MGST3: variants seen among roughly 807,000 people sequenced by gnomAD.
MGST3 encodes the protein microsomal glutathione S-transferase 3.
A neutral mutation model predicts 15.8 loss-of-function variants in MGST3; 13 were observed. That is an observed-to-expected ratio of 0.82 (90% CI 0.54 to 1.31). The LOEUF (loss-of-function observed/expected upper bound fraction) is 1.31. Ranked by LOEUF, MGST3 falls within the 50% of genes most tolerant of loss-of-function variation. MGST3 has a pLI of 0.00. For missense variants in MGST3, 155 were observed against 192.4 expected (o/e 0.81, Z 1.15); for synonymous variants, 49 against 68.1 (o/e 0.72, Z 1.38).
intron 1 of MGST3, among the ~76,000 whole-genome samples, chr1:165,642,169 G>T (rs1169175446): frequency 2.0e-5 from 3 of 152,206 alleles, no homozygotes; most frequent in Admixed American, 6.5e-5. Context: ...TGTGTCCCCT[G>T]CTAGAAAATG....
chr1:165,649,791 G>A, intron 1 of MGST3, 50 bp from the exon 2 acceptor site: 6 of 1,612,634 alleles, frequency 3.7e-6, no homozygotes, highest in Non-Finnish European at 5.1e-6. Context: ...TTCACACCAT[G>A]AAATAGCCAC....
intron 1 of MGST3, among the ~76,000 whole-genome samples, chr1:165,644,095 T>C (rs1648332281): frequency 6.6e-6 from 1 of 151,870 alleles, no homozygotes; most frequent in Admixed American, 6.6e-5. Flanking sequence ...GGCTGTCCTC[T>C]AGATGGTTCT....
intron 1 of MGST3, chr1:165,632,075 T>C: frequency 1.6e-6 from 1 of 608,556 alleles, no homozygotes; most frequent in Middle Eastern, 2.8e-4. Flanking sequence ...TCCCCGAAGT[T>C]GTGGCTTCTG....
At chr1:165,651,227 A>C (rs1347699044) in intron 3 of MGST3, 140 bp downstream of exon 3, 1 of 752,204 alleles carries the variant, frequency 1.3e-6, no homozygotes, top group East Asian at 2.5e-5. Context: ...AGTATTCAAA[A>C]ATTATGTATG....
chr1:165,644,648 A>C (rs1648346303), intron 1 of MGST3, among the ~76,000 whole-genome samples: 1 of 152,254 alleles, frequency 6.6e-6, no homozygotes, highest in Non-Finnish European at 1.5e-5. Context: ...AAACTAGATT[A>C]CTGAAGCTTT....
At position 165,650,020 on chromosome 1, in the gene MGST3, A is replaced by T. The variant is rs900424138; in HGVS notation, c.117+56A>T. On this transcript the variant is annotated intron_variant, in intron 2 of 5. Transcript: ENST00000367889. The stretch of plus-strand genomic sequence containing the variant: ...AGGCTTGTCTGGGGGCCACAGGCTT[A>T]GCCAAGAACTTATTTTCAGCCATGG... The T allele has an allele frequency of 1.9e-5, 30 of 1,610,474 alleles. No individual in the cohort carries two copies. The African/African-American group carries it at 2.7e-4, about 14-fold the overall frequency.
chr1:165,654,573 C>T (rs4147609), intron 5 of MGST3, among the ~76,000 whole-genome samples: 33,172 of 151,874 alleles, frequency 0.22, 4,886 homozygotes, highest in East Asian at 0.8. Flanking sequence ...CACCTGTAGT[C>T]CCAGCTACTT....
intron 1 of MGST3, among the ~76,000 whole-genome samples, chr1:165,643,766 G>A (rs1648320808): frequency 6.6e-6 from 1 of 152,064 alleles, no homozygotes; most frequent in Non-Finnish European, 1.5e-5. Context: ...TATTTGGGAG[G>A]ATGAGGCATG....
chr1:165,647,263 T>C (rs1313470414), intron 1 of MGST3: 2 of 152,184 alleles, frequency 1.3e-5, no homozygotes, highest in Admixed American at 1.3e-4. Context: ...AATATTAATT[T>C]GTAATTATAG....
intron 4 of MGST3, chr1:165,653,900 C>T (rs1376511042): frequency 3.2e-6 from 1 of 314,936 alleles, no homozygotes; most frequent in Non-Finnish European, 6.1e-6. Flanking sequence ...AACGGCATTT[C>T]CCCTAGTCCT....
At chr1:165,638,042 C>A (rs1374771749) in intron 1 of MGST3, among the ~76,000 whole-genome samples, 1 of 152,168 alleles carries the variant, frequency 6.6e-6, no homozygotes, top group Non-Finnish European at 1.5e-5. Context: ...CTGCTACCCC[C>A]CACGTCCTAT....
chr1:165,652,062 A>G (rs1648576298), intron 4 of MGST3, 27 bp downstream of exon 4: 8 of 1,530,976 alleles, frequency 5.2e-6, no homozygotes, highest in African/African-American at 1.4e-5. Context: ...GTGTTCATCT[A>G]TTTGGATAGT....
rs1467158697 is a variant in MGST3 at position 165,649,887 on chromosome 1, A to G, written c.40A>G (p.Thr14Ala). 6.2e-7 allele frequency: 1 copy of G among 1,614,150 alleles called. No individual in the cohort carries two copies. Among genetic ancestry groups the G allele is most frequent in the Non-Finnish European group, 8.5e-7 (1 of 1,180,024 alleles). The change falls in exon 2 of 6, where the codon ACT becomes GCT. Residue 14 changes from threonine to alanine, a missense_variant. By Grantham distance (58) the Thr-to-Ala change is moderately conservative. Transcript: ENST00000367889. ...TAAGGAATATGGTTTTGTGCTTCTA[A>G]CTGGTGCTGCCAGCTTTATAATGGT... Reference protein sequence around the residue: ...LSKEYGFVLLTGAASFIMVAH... With the variant: ...LSKEYGFVLLAGAASFIMVAH...
Position 165,655,725 on chromosome 1 carries a change from C to A in MGST3, c.*221C>A. 1.7e-6 allele frequency: 1 copy of A among 576,218 alleles called. No individual in the cohort carries two copies. The highest frequency in any genetic ancestry group is 3.0e-6 in the Non-Finnish European group (1 of 328,952). 35.7% of individuals were successfully genotyped at this position (576,218 alleles called of 1,614,324 possible). A position where few individuals can be genotyped will look rare whatever the true frequency, so the allele number is the denominator to read the frequency against. On this transcript the variant is annotated 3_prime_UTR_variant, in exon 6 of 6. Coordinates refer to ENST00000367889, the MANE Select transcript of MGST3 (RefSeq NM_004528.4). The stretch of plus-strand genomic sequence containing the variant: ...CACAAGTATTGTGCCCTCTCCTCAC[C>A]CTTCCAGCAGATGCTTCTGTAGTAT...
chr1:165,631,428 TATC>T (rs1389600190), intron 1 of MGST3, 135 bp downstream of exon 1: 3 of 152,704 alleles, frequency 2.0e-5, no homozygotes, highest in Non-Finnish European at 4.4e-5. Context: ...CCCCCACCCT[TATC>T]AGTAAATTAG....
At chr1:165,649,763 C>G (rs1040195575) in intron 1 of MGST3, 78 bp from the exon 2 acceptor site, 86 of 1,579,716 alleles carry the variant, frequency 5.4e-5, no homozygotes, top group Non-Finnish European at 7.0e-5. Flanking sequence ...AGTAATAAAG[C>G]ATCTTGCTCC....
chr1:165,655,303 C>G, intron 5 of MGST3, 65 bp from the exon 6 acceptor site: 1 of 1,583,890 alleles, frequency 6.3e-7, no homozygotes. Context: ...GAATGGCTTG[C>G]GAATGTTGAA....
chr1:165,656,102 T>C lies in MGST3; in HGVS notation c.*598T>C, dbSNP rs1370777791. On this transcript the variant is annotated 3_prime_UTR_variant, in exon 6 of 6. Coordinates refer to ENST00000367889, the MANE Select transcript of MGST3 (RefSeq NM_004528.4). ...CAGCGTGGGTGACAGAGCAAGACCC[T>C]GTCTCAAATAAATAAAAATTAAGTT... 2 of 152,932 alleles carry C rather than the reference T, an allele frequency of 1.3e-5. No individual in the cohort carries two copies. Among genetic ancestry groups the C allele is most frequent in the African/African-American group, 4.8e-5 (2 of 41,450 alleles). 9.5% of individuals were successfully genotyped at this position (152,932 alleles called of 1,614,324 possible).
chr1:165,643,566 AAAG>A (rs968854269), intron 1 of MGST3, among the ~76,000 whole-genome samples: 5 of 151,686 alleles, frequency 3.3e-5, no homozygotes, highest in African/African-American at 1.2e-4. Flanking sequence ...AAAAAAAAAA[AAAG>A]AAAAAATATA....
Sources: gnomAD v4.1 joint callset for allele counts (sites outside exome capture counted in the v4.1 genomes callset) on GRCh38, gnomAD v4.1.1 for gene constraint, MANE v1.5 for transcripts, NCBI Gene and HGNC (gene_info 2026-07-23, HGNC 2026-07-21) for gene names.